Variants in CORO1C observed in about 807,000 individuals in gnomAD.
CORO1C encodes coronin 1C, also known as coronin-1C.
In CORO1C, 14 loss-of-function variants were observed where a neutral mutation model predicts 51.2. That is an observed-to-expected ratio of 0.27 (90% CI 0.18 to 0.43). The LOEUF (loss-of-function observed/expected upper bound fraction) is 0.43, where lower values mean the gene tolerates loss of function less well. CORO1C is among the 20% of genes least tolerant of loss of function. The probability of loss-of-function intolerance (pLI) is 1.00; values close to 1 mark genes in which losing one functional copy is unlikely to be tolerated. For missense variants in CORO1C, 417 were observed against 607.8 expected (o/e 0.69, Z 3.30); for synonymous variants, 181 against 210.5 (o/e 0.86, Z 1.21).
At position 108,657,349 on chromosome 12, in the gene CORO1C, A is replaced by T; in HGVS notation, c.705T>A (p.Thr235=). The T allele has an allele frequency of 1.2e-6, 2 of 1,614,168 alleles. No homozygotes were observed. The highest frequency in any genetic ancestry group is 8.5e-7 in the Non-Finnish European group (1 of 1,180,010). ...GCCGCTCGCTCATGCGGCTGAACCC[A>T]GTGGTGAAGACATTGCCATCGGCCA... is the stretch of plus-strand genomic sequence containing the variant. The part of the protein sequence containing the change: ...IFLADGNVFT[T]GFSRMSERQL... Residue 235 remains threonine (T), a synonymous_variant, in exon 6 of 11, where the codon ACT becomes ACA. Coordinates refer to ENST00000261401, the MANE Select transcript of CORO1C (RefSeq NM_014325.4).
rs554194935 is a variant in CORO1C at position 108,668,196 on chromosome 12, C to T, written c.319-6038G>A. 9.8e-5 allele frequency among the ~76,000 whole-genome samples: 15 copies of T among 152,324 alleles called. No homozygotes were observed. In the South Asian group the frequency reaches 1.5e-3, roughly 15 times the overall value. ...GCAGACCAGTACAGCGTCCTACAGA[C>T]GCCCACAAAGGCCTGCATGTAGGGC... is the stretch of plus-strand genomic sequence containing the variant. On this transcript the variant is annotated intron_variant, in intron 3 of 10. Transcript: ENST00000261401.
At position 108,703,211 on chromosome 12, in the gene CORO1C, A is replaced by G. The variant is rs569608532; in HGVS notation, c.-5-1888T>C. 14 of 326,530 alleles carry G rather than the reference A, an allele frequency of 4.3e-5. No individual in the cohort carries two copies. The South Asian group carries it at 1.8e-3, about 43-fold the overall frequency. 20.2% of individuals were successfully genotyped at this position (326,530 alleles called of 1,614,324 possible). A position where few individuals can be genotyped will look rare whatever the true frequency, so the allele number is the denominator to read the frequency against. ...CCAGCATCTTCAAGCAAGTGTTTCA[A>G]AAGTAAGCTAATGTAGAAGAAAAAA... On this transcript the variant is annotated intron_variant, in intron 1 of 10. Coordinates refer to ENST00000261401, the MANE Select transcript of CORO1C (RefSeq NM_014325.4).
At chr12:108,707,673 G>A (rs2035064442) in intron 1 of CORO1C, among the ~76,000 whole-genome samples, 1 of 152,090 alleles carries the variant, frequency 6.6e-6, no homozygotes, top group African/African-American at 2.4e-5. Flanking sequence ...TGCCTCAAAG[G>A]ACACTATCAA....
chr12:108,691,441 C>T (rs187086779), intron 2 of CORO1C, among the ~76,000 whole-genome samples: 53 of 152,326 alleles, frequency 3.5e-4, no homozygotes, highest in African/African-American at 1.2e-3. Flanking sequence ...CCTTTCTTTA[C>T]CGGAGATACA....
intron 8 of CORO1C, chr12:108,649,708 A>G (rs1348015166): frequency 3.9e-5 from 6 of 152,394 alleles, no homozygotes; most frequent in Non-Finnish European, 7.3e-5. Context: ...GACTTCTCTT[A>G]TGATGACCCT....
chr12:108,682,574 CAA>C (rs1361735325), intron 2 of CORO1C, among the ~76,000 whole-genome samples: 2 of 151,974 alleles, frequency 1.3e-5, no homozygotes, highest in East Asian at 1.9e-4. Context: ...AAGAAAATGA[CAA>C]AGTCATAATC....
intron 1 of CORO1C, among the ~76,000 whole-genome samples, chr12:108,717,269 G>C (rs2035361143): frequency 6.6e-6 from 1 of 152,232 alleles, no homozygotes; most frequent in Non-Finnish European, 1.5e-5. Flanking sequence ...AGCCCACAGA[G>C]GCTGGAGCCC....
chr12:108,667,129 T>C (rs2033515262), intron 3 of CORO1C, among the ~76,000 whole-genome samples: 3 of 152,114 alleles, frequency 2.0e-5, no homozygotes, highest in Non-Finnish European at 4.4e-5. Context: ...TTGCTGTTAA[T>C]ATGACCACTA....
intron 3 of CORO1C, among the ~76,000 whole-genome samples, chr12:108,667,515 A>G (rs566802467): frequency 6.6e-6 from 1 of 152,310 alleles, no homozygotes; most frequent in South Asian, 2.1e-4. Flanking sequence ...CTTAATTTAA[A>G]TAATGCTGTG....
chr12:108,679,763 AG>A (rs1267234818), intron 2 of CORO1C, among the ~76,000 whole-genome samples: 2 of 152,244 alleles, frequency 1.3e-5, no homozygotes, highest in African/African-American at 2.4e-5. Flanking sequence ...AAGACAGGTA[AG>A]GGTTCAAATC....
At chr12:108,669,524 G>A (rs1472887315) in intron 3 of CORO1C, among the ~76,000 whole-genome samples, 3 of 151,968 alleles carry the variant, frequency 2.0e-5, no homozygotes, top group East Asian at 3.9e-4. Flanking sequence ...TAAGCGAAGC[G>A]ACCTGCAAAT....
intron 2 of CORO1C, among the ~76,000 whole-genome samples, chr12:108,695,925 A>G (rs149819630): frequency 6.6e-6 from 1 of 151,838 alleles, no homozygotes; most frequent in Non-Finnish European, 1.5e-5. Flanking sequence ...ATAAAACCCT[A>G]CATGAAAAAC....
chr12:108,657,419 T>G lies in CORO1C; in HGVS notation c.635A>C (p.Lys212Thr), dbSNP rs1305888203. The G allele has an allele frequency of 1.1e-5, 17 of 1,612,594 alleles. No individual in the cohort carries two copies. The highest frequency in any genetic ancestry group is 1.4e-5 in the Non-Finnish European group (17 of 1,179,262). The change falls in exon 6 of 11, where the codon AAG becomes ACG. Residue 212 changes from lysine to threonine, a missense_variant. Transcript: ENST00000261401. ...TCTTGCTCCTTCATGTGCTTTCTCC[T>G]TCTCCTGGAGAGCAAAAAGGCACAT... ...DPRKQEIVAE[K>T]EKAHEGARPM... is the part of the protein sequence containing the mutation.
At chr12:108,663,020 A>C (rs983432491) in intron 3 of CORO1C, among the ~76,000 whole-genome samples, 3 of 152,250 alleles carry the variant, frequency 2.0e-5, no homozygotes, top group Non-Finnish European at 4.4e-5. Context: ...CAGTCATCTA[A>C]ATAGACATTT....
At chr12:108,719,685 G>A (rs563238113) in intron 1 of CORO1C, among the ~76,000 whole-genome samples, 14 of 152,268 alleles carry the variant, frequency 9.2e-5, no homozygotes, top group Admixed American at 5.2e-4. Context: ...CTCCTTCAGG[G>A]AGAACATAAG....
intron 2 of CORO1C, among the ~76,000 whole-genome samples, chr12:108,679,168 G>GA (rs2034034363): frequency 2.9e-5 from 2 of 68,420 alleles, no homozygotes; most frequent in Non-Finnish European, 3.4e-5. Context: ...AATTTAAAAA[G>GA]TTAAAAAAAA....
intron 1 of CORO1C, among the ~76,000 whole-genome samples, chr12:108,728,273 T>C (rs2035636567): frequency 6.6e-6 from 1 of 151,622 alleles, no homozygotes; most frequent in African/African-American, 2.4e-5. Flanking sequence ...AACACCCAAA[T>C]GTTCATCAAC....
chr12:108,718,880 CT>C (rs1317820661), intron 1 of CORO1C, among the ~76,000 whole-genome samples: 1 of 152,134 alleles, frequency 6.6e-6, no homozygotes, highest in East Asian at 1.9e-4. Context: ...CATTCAATAC[CT>C]TTAGAAGAAG....
At chr12:108,696,116 C>A (rs1487678232) in intron 2 of CORO1C, among the ~76,000 whole-genome samples, 2 of 152,166 alleles carry the variant, frequency 1.3e-5, no homozygotes, top group African/African-American at 4.8e-5. Flanking sequence ...CTAACAGAGA[C>A]CTGGCCATAC....
Sources: gnomAD v4.1 joint callset for allele counts (sites outside exome capture counted in the v4.1 genomes callset) on GRCh38, gnomAD v4.1.1 for gene constraint, MANE v1.5 for transcripts, NCBI Gene and HGNC (gene_info 2026-07-23, HGNC 2026-07-21) for gene names.